Variants in KIF26B observed in about 807,000 individuals in gnomAD.
KIF26B encodes the protein kinesin family member 26B, also known as kinesin-like protein KIF26B.
Under a neutral mutation model 151.2 loss-of-function variants are expected in KIF26B, and 63 were observed. The observed-to-expected ratio is 0.42, with a 90% CI of 0.34 to 0.51. The LOEUF is 0.51. KIF26B is among the 20% of genes least tolerant of loss of function. The pLI is 0.07. For missense variants in KIF26B, 2,813 were observed against 2,913.6 expected (o/e 0.97, Z 0.79); for synonymous variants, 1,357 against 1,262.1 (o/e 1.08, Z -1.59).
chr1:245,284,169 C>T (rs570349809), intron 2 of KIF26B, among the ~76,000 whole-genome samples: 37 of 152,294 alleles, frequency 2.4e-4, no homozygotes, highest in African/African-American at 8.4e-4. Context: ...CTTAGTCGTG[C>T]TTCCTTTTGA....
At chr1:245,598,981 G>A (rs891812573) in intron 5 of KIF26B, among the ~76,000 whole-genome samples, 2 of 152,100 alleles carry the variant, frequency 1.3e-5, no homozygotes, top group African/African-American at 2.4e-5. Context: ...AATAGTGACC[G>A]TCCCTTTGAG....
chr1:245,345,931 C>CTT (rs371687031), intron 2 of KIF26B, among the ~76,000 whole-genome samples: 5,264 of 138,914 alleles, frequency 0.038, 311 homozygotes, highest in East Asian at 0.22. Context: ...TTCTTTCTTT[C>CTT]TTTCTTTTTT....
intron 12 of KIF26B, among the ~76,000 whole-genome samples, chr1:245,695,101 G>C (rs2044674190): frequency 6.6e-6 from 1 of 152,190 alleles, no homozygotes; most frequent in Non-Finnish European, 1.5e-5. Context: ...GGGGATCCCT[G>C]GCAGAGACCG....
rs1572110468 is a variant in KIF26B, at chr1:245,533,834, A to G, written c.1167-6933A>G. Among the ~76,000 whole-genome samples the G allele has an allele frequency of 2.6e-5, 4 of 152,014 alleles. No homozygotes were observed. In the South Asian group the frequency reaches 6.2e-4, roughly 24 times the overall value. The stretch of plus-strand genomic sequence containing the variant: ...AAATCAAGTTCCCCCTCTAATCTAC[A>G]TAATTGAGACCTAAGACTTTCCCTG... On this transcript the variant is annotated intron_variant, in intron 4 of 14. Transcript: ENST00000407071.
At chr1:245,401,068 A>G (rs1267644619) in intron 3 of KIF26B, among the ~76,000 whole-genome samples, 2 of 152,150 alleles carry the variant, frequency 1.3e-5, no homozygotes, top group Admixed American at 6.5e-5. Flanking sequence ...CCCAGTTGAG[A>G]TGAGAATTGA....
Position 245,227,420 on chromosome 1 carries a change from G to T in KIF26B, c.465+70737G>T, listed in dbSNP as rs904960827. Among the ~76,000 whole-genome samples the T allele has an allele frequency of 2.6e-5, 4 of 152,202 alleles. No homozygotes were observed. Among genetic ancestry groups the T allele is most frequent in the African/African-American group, 9.7e-5 (4 of 41,432 alleles). ...TGGCACCTCTGCATCTGGGCCTAAG[G>T]CTGCGGCCTCCGTCCTCTTCGCCAT... On this transcript the variant is annotated intron_variant, in intron 2 of 14. Coordinates refer to ENST00000407071, the MANE Select transcript of KIF26B (RefSeq NM_018012.4). This position sits in a 1 kb window ranked among gnomAD's most constrained non-coding sequence, Gnocchi z 4.1.
At chr1:245,355,919 C>T (rs577155552) in intron 2 of KIF26B, among the ~76,000 whole-genome samples, 1 of 152,272 alleles carries the variant, frequency 6.6e-6, no homozygotes, top group African/African-American at 2.4e-5. Context: ...TCTACTTCTT[C>T]CTTCTCCCTG....
At chr1:245,182,871 C>T (rs1360699223) in intron 2 of KIF26B, among the ~76,000 whole-genome samples, 11 of 152,250 alleles carry the variant, frequency 7.2e-5, no homozygotes, top group Admixed American at 4.6e-4. Context: ...CTCTGACCCT[C>T]GTGATCCACC....
chr1:245,194,744 A>C (rs1021141657), intron 2 of KIF26B, among the ~76,000 whole-genome samples: 1 of 152,194 alleles, frequency 6.6e-6, no homozygotes, highest in Non-Finnish European at 1.5e-5. Context: ...GACTCAAATG[A>C]AATGCTGGCC....
intron 4 of KIF26B, among the ~76,000 whole-genome samples, chr1:245,451,585 CTTTTTTTTTT>C (rs58192966): frequency 1.7e-5 from 1 of 58,754 alleles, no homozygotes; most frequent in South Asian, 7.0e-4. Flanking sequence ...GAAGATCTAT[CTTTTTTTTTT>C]TTTTTTTTTT....
rs897893531 is a variant in KIF26B, at chr1:245,218,250, T to C, written c.465+61567T>C. ...TCGGGGGCAGACTGTGCCTGTGGCTTCTCAGTGGGGTGCCTTAGGGTCCCC... is the reference window on the plus strand; with the variant it reads ...TCGGGGGCAGACTGTGCCTGTGGCTCCTCAGTGGGGTGCCTTAGGGTCCCC... On this transcript the variant is annotated intron_variant, in intron 2 of 14. Transcript: ENST00000407071. This position sits in a 1 kb window ranked among gnomAD's most constrained non-coding sequence, Gnocchi z 4.1. 2.0e-5 allele frequency among the ~76,000 whole-genome samples: 3 copies of C among 152,180 alleles called. No homozygotes were observed. The highest frequency in any genetic ancestry group is 7.2e-5 in the African/African-American group (3 of 41,444).
At chr1:245,448,293 C>G (rs541862141) in intron 4 of KIF26B, among the ~76,000 whole-genome samples, 21 of 152,274 alleles carry the variant, frequency 1.4e-4, no homozygotes, top group Non-Finnish European at 2.6e-4. Flanking sequence ...CTGCAACCTC[C>G]GCCACTCAGG....
At chr1:245,414,622 A>G (rs779103004) in intron 3 of KIF26B, among the ~76,000 whole-genome samples, 4 of 152,200 alleles carry the variant, frequency 2.6e-5, no homozygotes, top group Non-Finnish European at 5.9e-5. Flanking sequence ...GAAAGGGAAT[A>G]TGGAGTCTTC....
intron 2 of KIF26B, among the ~76,000 whole-genome samples, chr1:245,203,779 C>T (rs1669347401): frequency 6.6e-6 from 1 of 152,210 alleles, no homozygotes; most frequent in African/African-American, 2.4e-5. Flanking sequence ...TCTGTGCATC[C>T]TGCATCTTGG....
At chr1:245,644,129 C>G (rs1471479294) in intron 9 of KIF26B, among the ~76,000 whole-genome samples, 1 of 152,160 alleles carries the variant, frequency 6.6e-6, no homozygotes, top group Non-Finnish European at 1.5e-5. Flanking sequence ...TTACACATAG[C>G]AGGCACTTGA....
chr1:245,425,754 C>T (rs187042310), intron 4 of KIF26B, among the ~76,000 whole-genome samples: 1 of 152,288 alleles, frequency 6.6e-6, no homozygotes, highest in East Asian at 1.9e-4. Flanking sequence ...TTTTCATCTA[C>T]ATTCAGAGCA....
chr1:245,596,485 AC>A (rs1489122408), intron 5 of KIF26B, among the ~76,000 whole-genome samples: 1 of 152,064 alleles, frequency 6.6e-6, no homozygotes, highest in Non-Finnish European at 1.5e-5. Flanking sequence ...GAGTTTCTTA[AC>A]CCTGAGTTCT....
In KIF26B at chr1:245,274,754, A is replaced by T. The variant is rs1670910935; in HGVS notation, c.466-92080A>T. On this transcript the variant is annotated intron_variant, in intron 2 of 14. Coordinates refer to ENST00000407071, the MANE Select transcript of KIF26B (RefSeq NM_018012.4). ...CTTTGGGTATATACCCAGTAAGGGG[A>T]TTGCTGGGTCAGATGATATTTCTGG... is the stretch of plus-strand genomic sequence containing the variant. Among the ~76,000 whole-genome samples, 4 of 151,930 alleles carry T rather than the reference A, an allele frequency of 2.6e-5. No homozygotes were observed. The South Asian group carries it at 8.3e-4, about 32-fold the overall frequency.
rs1671833638 is a variant in KIF26B at position 245,318,963 on chromosome 1, A to G, written c.466-47871A>G. 6.6e-6 allele frequency among the ~76,000 whole-genome samples: 1 copy of G among 152,198 alleles called. No individual in the cohort carries two copies. The highest frequency in any genetic ancestry group is 2.1e-4 in the South Asian group (1 of 4,834). On this transcript the variant is annotated intron_variant, in intron 2 of 14. Transcript: ENST00000407071. The surrounding 1 kb of genome is among the most constrained non-coding windows in gnomAD (Gnocchi z 4.0). ...GTAAACTTTTGTAAACAGGAAGAAC[A>G]CAGGGATATTTGCTCTTAGCTAGAA...
Sources: gnomAD v4.1 joint callset for allele counts (sites outside exome capture counted in the v4.1 genomes callset) on GRCh38, gnomAD v4.1.1 for gene constraint, Gnocchi (gnomAD v3.1) non-coding constraint, MANE v1.5 for transcripts, NCBI Gene and HGNC (gene_info 2026-07-23, HGNC 2026-07-21) for gene names.